OLFM3: variants seen among roughly 807,000 people sequenced by gnomAD.
OLFM3 encodes noelin-3.
Under a neutral mutation model 48.6 loss-of-function variants are expected in OLFM3, and 20 were observed. That is an observed-to-expected ratio of 0.41 (90% CI 0.29 to 0.60). The LOEUF is 0.60. OLFM3 is among the 20% of genes least tolerant of loss of function. The pLI is 0.28. For synonymous variants in OLFM3, 222 were observed against 198.1 expected, an observed-to-expected ratio of 1.12 and a Z score of -1.01; for missense variants, 437 against 544.3, an observed-to-expected ratio of 0.80 and a Z score of 1.96.
intron 1 of OLFM3, among the ~76,000 whole-genome samples, chr1:101,964,562 C>T (rs973633576): frequency 1.3e-5 from 2 of 152,066 alleles, no homozygotes; most frequent in African/African-American, 4.8e-5. Flanking sequence ...TTAAATGGAT[C>T]TTCACCATTA....
In OLFM3 at chr1:101,804,399, T is replaced by C. The variant is rs1290268732; in HGVS notation, c.1216A>G (p.Thr406Ala). 5 of 1,612,440 alleles carry C rather than the reference T, an allele frequency of 3.1e-6. No individual in the cohort carries two copies. The highest frequency in any genetic ancestry group is 4.2e-6 in the Non-Finnish European group (5 of 1,178,998). The change falls in exon 6 of 6, where the codon ACA (threonine) becomes GCA (alanine). Residue 406 changes from threonine (T) to alanine (A), a missense_variant. Thr to Ala is a moderately conservative substitution (Grantham distance 58, BLOSUM62 0). Around this residue, in one of 3 missense-constraint regions of OLFM3, gnomAD observed 108 missense variants for 135.8 expected, o/e 0.80. Coordinates refer to ENST00000370103, the MANE Select transcript of OLFM3 (RefSeq NM_058170.4). This position sits in a 1 kb window ranked among gnomAD's most constrained non-coding sequence, Gnocchi z 4.5. ...VYYSYSTKTS[T>A]YEYTDIPFHN... is the part of the protein sequence containing the mutation. Reference sequence around the variant, plus strand: ...AAGGGAATGTCTGTGTACTCATATGTGGAGGTTTTGGTGGAATAGGAATAA... The same window carrying C: ...AAGGGAATGTCTGTGTACTCATATGCGGAGGTTTTGGTGGAATAGGAATAA...
chr1:101,991,041 A>ACT (rs1553186134), intron 1 of OLFM3, among the ~76,000 whole-genome samples: 29 of 129,820 alleles, frequency 2.2e-4, no homozygotes, highest in African/African-American at 8.2e-4. Flanking sequence ...ATATATATAT[A>ACT]CTTCGTGGTT....
chr1:101,950,872 A>G (rs1324353638), intron 1 of OLFM3, among the ~76,000 whole-genome samples: 2 of 152,208 alleles, frequency 1.3e-5, no homozygotes, highest in East Asian at 3.9e-4. Context: ...AACTCAATAA[A>G]TACTTATTGA....
At chr1:101,961,045 T>C (rs1000374130) in intron 1 of OLFM3, among the ~76,000 whole-genome samples, 2 of 152,136 alleles carry the variant, frequency 1.3e-5, no homozygotes, top group Non-Finnish European at 2.9e-5. Context: ...TTGGATAACA[T>C]ATGTAAATGT....
At chr1:101,915,433 T>C (rs1362594162) in intron 1 of OLFM3, among the ~76,000 whole-genome samples, 1 of 152,026 alleles carries the variant, frequency 6.6e-6, no homozygotes, top group Admixed American at 6.6e-5. Context: ...TTAAGCTAAA[T>C]GAAGTATCGT....
At chr1:101,813,011 C>T in intron 4 of OLFM3, 11 of 1,117,116 alleles carry the variant, frequency 9.8e-6, no homozygotes, top group South Asian at 4.0e-5. Flanking sequence ...TATTTTGTAC[C>T]AGAACTATTC....
intron 1 of OLFM3, among the ~76,000 whole-genome samples, chr1:101,915,401 C>A (rs1658891540): frequency 6.6e-6 from 1 of 151,574 alleles, no homozygotes; most frequent in African/African-American, 2.4e-5. Flanking sequence ...TAAAGGGCAC[C>A]AATAAATAAA....
chr1:101,908,939 A>G (rs910979903), intron 1 of OLFM3, among the ~76,000 whole-genome samples: 1 of 152,224 alleles, frequency 6.6e-6, no homozygotes, highest in African/African-American at 2.4e-5. Context: ...CCAGAACTAT[A>G]AAAGAATAAA....
intron 1 of OLFM3, among the ~76,000 whole-genome samples, chr1:101,892,666 C>T (rs1420401255): frequency 6.6e-6 from 1 of 151,902 alleles, no homozygotes; most frequent in African/African-American, 2.4e-5. Context: ...ATTTTCCTTA[C>T]TCTTACTTTA....
intron 1 of OLFM3, among the ~76,000 whole-genome samples, chr1:101,871,851 T>C (rs181729314): frequency 5.3e-4 from 81 of 152,196 alleles, no homozygotes; most frequent in African/African-American, 1.9e-3. Flanking sequence ...AAAACATATG[T>C]ATTTTAGCTA....
chr1:101,947,015 A>T (rs1285343036), intron 1 of OLFM3, among the ~76,000 whole-genome samples: 1 of 152,210 alleles, frequency 6.6e-6, no homozygotes, highest in Non-Finnish European at 1.5e-5. Context: ...ATTTTAAGTG[A>T]GAAAATCTGG....
intron 1 of OLFM3, among the ~76,000 whole-genome samples, chr1:101,912,565 T>G (rs1658795905): frequency 6.6e-6 from 1 of 152,238 alleles, no homozygotes; most frequent in Admixed American, 6.5e-5. Flanking sequence ...TGAACTACAC[T>G]TATTCACAGC....
intron 1 of OLFM3, among the ~76,000 whole-genome samples, chr1:101,852,839 C>T (rs1400218801): frequency 1.3e-5 from 2 of 152,078 alleles, no homozygotes; most frequent in Non-Finnish European, 2.9e-5. Context: ...AATGTCTTTT[C>T]CTCCACATCT....
chr1:101,923,159 A>G (rs1659155039), intron 1 of OLFM3, among the ~76,000 whole-genome samples: 1 of 152,188 alleles, frequency 6.6e-6, no homozygotes. Context: ...CCTTTATTTC[A>G]TAGGCATATC....
chr1:101,958,550 A>G (rs1302827697), intron 1 of OLFM3, among the ~76,000 whole-genome samples: 1 of 152,082 alleles, frequency 6.6e-6, no homozygotes, highest in Non-Finnish European at 1.5e-5. Context: ...GATTAGCTGC[A>G]TCGTAAGTTT....
At chr1:101,910,283 G>C (rs549569563) in intron 1 of OLFM3, 13 of 202,796 alleles carry the variant, frequency 6.4e-5, no homozygotes, top group Non-Finnish European at 8.7e-5. Context: ...TGGCTAACAC[G>C]CTGAAACCCC....
At chr1:101,944,506 AACTCT>A (rs1659894988) in intron 1 of OLFM3, among the ~76,000 whole-genome samples, 1 of 152,196 alleles carries the variant, frequency 6.6e-6, no homozygotes, top group East Asian at 1.9e-4. Context: ...GGATAAATCT[AACTCT>A]CCTCATTTTG....
chr1:101,819,777 CAGA>C (rs1654521924), intron 4 of OLFM3, among the ~76,000 whole-genome samples: 1 of 152,020 alleles, frequency 6.6e-6, no homozygotes, highest in African/African-American at 2.4e-5. Flanking sequence ...TCTTTGAACT[CAGA>C]AGGACTTCCA....
At chr1:101,891,712 A>G (rs1658006107) in intron 1 of OLFM3, among the ~76,000 whole-genome samples, 1 of 152,124 alleles carries the variant, frequency 6.6e-6, no homozygotes, top group South Asian at 2.1e-4. Context: ...GCTATTAAAG[A>G]AAATAAATGT....
Sources: gnomAD v4.1 joint callset for allele counts (sites outside exome capture counted in the v4.1 genomes callset) on GRCh38, gnomAD v4.1.1 for gene constraint, gnomAD v4.1.1 regional missense constraint, Gnocchi (gnomAD v3.1) non-coding constraint, MANE v1.5 for transcripts, NCBI Gene and HGNC (gene_info 2026-07-23, HGNC 2026-07-21) for gene names.